ASPH: variants seen among roughly 807,000 people sequenced by gnomAD.
ASPH encodes aspartyl/asparaginyl beta-hydroxylase.
Under a neutral mutation model 118.4 loss-of-function variants are expected in ASPH, and 100 were observed. That is an observed-to-expected ratio of 0.84 (90% confidence interval 0.72 to 1.00). ASPH has a LOEUF of 1.00. Among genes scored for constraint, ASPH ranks in the 50% least tolerant of loss-of-function variants. ASPH has a pLI of 0.00. For missense variants in ASPH, 920 were observed against 919.5 expected (o/e 1.00, Z -0.01); for synonymous variants, 315 against 325.6 (o/e 0.97, Z 0.35).
chr8:61,665,642 T>C (rs753587720), intron 3 of ASPH: 4 of 1,529,046 alleles, frequency 2.6e-6, no homozygotes, highest in East Asian at 2.3e-5. Flanking sequence ...AAAATGTTTA[T>C]TGACAGGATC....
chr8:61,707,641 C>T (rs10108427), intron 1 of ASPH, among the ~76,000 whole-genome samples: 80,173 of 151,956 alleles, frequency 0.53, 21,502 homozygotes, highest in Middle Eastern at 0.59. Flanking sequence ...GAGATAGGCA[C>T]ATACATGTAC....
intron 5 of ASPH, among the ~76,000 whole-genome samples, chr8:61,648,020 A>T (rs1808924317): frequency 1.3e-5 from 2 of 152,120 alleles, no homozygotes; most frequent in Non-Finnish European, 2.9e-5. Flanking sequence ...CAGCTCAGGG[A>T]TTAGGACGAG....
At chr8:61,514,079 T>G (rs995327694) in intron 24 of ASPH, among the ~76,000 whole-genome samples, 1 of 152,126 alleles carries the variant, frequency 6.6e-6, no homozygotes, top group Admixed American at 6.5e-5. Flanking sequence ...AGCCTCAAAC[T>G]TCTGGGCTCT....
At chr8:61,527,271 T>C (rs1024923096) in intron 21 of ASPH, among the ~76,000 whole-genome samples, 3 of 152,186 alleles carry the variant, frequency 2.0e-5, no homozygotes, top group African/African-American at 7.2e-5. Flanking sequence ...TCAAGCAAAA[T>C]GATCAATTAT....
intron 24 of ASPH, among the ~76,000 whole-genome samples, chr8:61,504,395 C>A (rs148366452): frequency 1.3e-5 from 2 of 152,146 alleles, no homozygotes; most frequent in Admixed American, 6.5e-5. Flanking sequence ...AATTTTACAT[C>A]CTGGATTAGC....
chr8:61,663,484 A>G (rs140521815), intron 3 of ASPH: 306 of 985,386 alleles, frequency 3.1e-4, no homozygotes, highest in Non-Finnish European at 3.5e-4. Context: ...CTCAGGCAGA[A>G]ACCAGCACAG....
chr8:61,652,099 AT>A (rs1188628339), intron 4 of ASPH, among the ~76,000 whole-genome samples: 1 of 152,186 alleles, frequency 6.6e-6, no homozygotes, highest in East Asian at 1.9e-4. Context: ...AAAAATGCCT[AT>A]TTTTAATAAA....
intron 19 of ASPH, among the ~76,000 whole-genome samples, chr8:61,553,757 C>T (rs1228955637): frequency 7.9e-5 from 12 of 152,068 alleles, no homozygotes; most frequent in Admixed American, 3.3e-4. Flanking sequence ...ACCCCATTCC[C>T]GTCCCCACAA....
intron 8 of ASPH, among the ~76,000 whole-genome samples, chr8:61,643,640 C>T (rs1204461078): frequency 6.6e-6 from 1 of 152,040 alleles, no homozygotes; most frequent in East Asian, 1.9e-4. Flanking sequence ...GGGATTTGTA[C>T]CCAGAATGAC....
At chr8:61,615,541 T>A (rs898918303) in intron 14 of ASPH, among the ~76,000 whole-genome samples, 52 of 152,346 alleles carry the variant, frequency 3.4e-4, no homozygotes, top group African/African-American at 1.2e-3. Context: ...AAACAGAGCC[T>A]GGACATCATA....
At position 61,664,589 on chromosome 8, in the gene ASPH, G is replaced by A. The variant is rs774259221; in HGVS notation, c.323-10929C>T. ...GGAGGTCAGGAGTGAGAAGCATGCAGGAGTGAGGGGCAGCGGTGAGGTGAG... is the reference window on the plus strand; with the variant it reads ...GGAGGTCAGGAGTGAGAAGCATGCAAGAGTGAGGGGCAGCGGTGAGGTGAG... On this transcript the variant is annotated intron_variant, in intron 3 of 24. Coordinates refer to ENST00000379454, the MANE Select transcript of ASPH (RefSeq NM_004318.4). The A allele has an allele frequency of 2.1e-4, 206 of 986,582 alleles. 1 individual carries two copies. The highest frequency in any genetic ancestry group is 2.4e-4 in the Non-Finnish European group (196 of 830,552). The allele number at this position is 986,582 out of a possible 1,614,324, so 61.1% of individuals were successfully genotyped here. A position where few individuals can be genotyped will look rare whatever the true frequency, so the allele number is the denominator to read the frequency against.
intron 1 of ASPH, among the ~76,000 whole-genome samples, chr8:61,701,118 T>TC (rs1835148352): frequency 6.6e-6 from 1 of 152,208 alleles, no homozygotes; most frequent in East Asian, 1.9e-4. Context: ...CTGCTTTTTT[T>TC]CTCACTGTAG....
chr8:61,597,463 T>C (rs988362164), intron 14 of ASPH, among the ~76,000 whole-genome samples: 1 of 152,132 alleles, frequency 6.6e-6, no homozygotes, highest in African/African-American at 2.4e-5. Flanking sequence ...CAAAGAAAAC[T>C]TATTTAATGA....
intron 14 of ASPH, among the ~76,000 whole-genome samples, chr8:61,585,842 T>C (rs977125260): frequency 2.0e-5 from 3 of 152,208 alleles, no homozygotes; most frequent in Non-Finnish European, 2.9e-5. Context: ...ACCTCCAAGC[T>C]CTGTGACCTA....
At chr8:61,567,029 A>T in intron 17 of ASPH, 139 bp downstream of exon 17, 2 of 1,055,762 alleles carry the variant, frequency 1.9e-6, no homozygotes, top group South Asian at 1.7e-5. Flanking sequence ...TGAGCCTAGG[A>T]CAGACACATT....
chr8:61,603,469 C>A (rs1260126937), intron 14 of ASPH, among the ~76,000 whole-genome samples: 2 of 152,000 alleles, frequency 1.3e-5, no homozygotes, highest in African/African-American at 4.8e-5. Context: ...TAGGAAAGGG[C>A]CAAAATCATT....
intron 13 of ASPH, chr8:61,623,683 A>G (rs1851731245): frequency 6.6e-6 from 1 of 152,202 alleles, no homozygotes; most frequent in Non-Finnish European, 1.5e-5. Flanking sequence ...GTATATATCC[A>G]AAAGAAAAGA....
intron 22 of ASPH, 104 bp downstream of exon 22, chr8:61,525,873 C>T: frequency 6.7e-7 from 1 of 1,492,770 alleles, no homozygotes; most frequent in South Asian, 1.3e-5. Context: ...CTCGTTTAAG[C>T]CTGGGAATCC....
chr8:61,669,421 A>G (rs894644299), intron 3 of ASPH, among the ~76,000 whole-genome samples: 1 of 152,202 alleles, frequency 6.6e-6, no homozygotes, highest in Non-Finnish European at 1.5e-5. Context: ...GACCATGGTT[A>G]TATTTGTCCA....
Sources: gnomAD v4.1 joint callset for allele counts (sites outside exome capture counted in the v4.1 genomes callset) on GRCh38, gnomAD v4.1.1 for gene constraint, MANE v1.5 for transcripts, NCBI Gene and HGNC (gene_info 2026-07-23, HGNC 2026-07-21) for gene names.